SMOX: variants seen among roughly 807,000 people sequenced by gnomAD.
SMOX encodes the protein flavin containing amine oxidase.
A neutral mutation model predicts 51.0 loss-of-function variants in SMOX; 22 were observed. The observed-to-expected ratio is 0.43, with a 90% CI of 0.31 to 0.62. The LOEUF (loss-of-function observed/expected upper bound fraction) is 0.62. Among genes scored for constraint, SMOX ranks in the 20% least tolerant of loss-of-function variants. The probability of loss-of-function intolerance (pLI) is 0.10; values close to 1 mark genes in which losing one functional copy is unlikely to be tolerated. For synonymous variants in SMOX, 282 were observed against 307.8 expected (o/e 0.92, Z 0.88); for missense variants, 566 against 777.7 (o/e 0.73, Z 3.24).
chr20:4,165,868 G>A (rs1233793450), intron 1 of SMOX, among the ~76,000 whole-genome samples: 1 of 152,194 alleles, frequency 6.6e-6, no homozygotes, highest in Non-Finnish European at 1.5e-5. Flanking sequence ...TGCTGAGGGG[G>A]CATGGAGCTT....
intron 1 of SMOX, among the ~76,000 whole-genome samples, chr20:4,157,506 C>T (rs1200806636): frequency 6.6e-6 from 1 of 152,118 alleles, no homozygotes; most frequent in Non-Finnish European, 1.5e-5. Context: ...TGAGAAGTCA[C>T]AGGTTTGAGT....
At chr20:4,158,110 C>T (rs1235702482) in intron 1 of SMOX, among the ~76,000 whole-genome samples, 3 of 150,136 alleles carry the variant, frequency 2.0e-5, no homozygotes, top group Non-Finnish European at 3.0e-5. Flanking sequence ...CCTTGTTAGC[C>T]AGGATGGTCT....
chr20:4,171,160 A>C (rs934856073), intron 1 of SMOX, among the ~76,000 whole-genome samples: 1 of 152,208 alleles, frequency 6.6e-6, no homozygotes, highest in African/African-American at 2.4e-5. Context: ...GTGCATACAG[A>C]TCAAGGAGCG....
intron 1 of SMOX, among the ~76,000 whole-genome samples, chr20:4,163,484 G>A (rs1384732275): frequency 1.3e-5 from 2 of 152,238 alleles, no homozygotes. Flanking sequence ...TCTGGGGAGA[G>A]AGAGATGCTG....
chr20:4,158,086 G>A (rs1337689511), intron 1 of SMOX, among the ~76,000 whole-genome samples: 2 of 148,908 alleles, frequency 1.3e-5, no homozygotes, highest in Non-Finnish European at 3.0e-5. Flanking sequence ...ATTTTTAGTA[G>A]AGATGGTGTT....
chr20:4,180,362 C>A (rs1979230053), intron 3 of SMOX, among the ~76,000 whole-genome samples: 1 of 152,194 alleles, frequency 6.6e-6, no homozygotes, highest in South Asian at 2.1e-4. Context: ...CACCCTGTGG[C>A]CCCAGGGCCT....
At position 4,167,618 on chromosome 20, in the gene SMOX, C is replaced by T. The variant is rs1357451852; in HGVS notation, c.-26-7412C>T. On this transcript the variant is annotated intron_variant, in intron 1 of 6. Coordinates refer to ENST00000305958, the MANE Select transcript of SMOX (RefSeq NM_175839.3). This position sits in a 1 kb window ranked among gnomAD's most constrained non-coding sequence, Gnocchi z 4.8. Reference sequence around the variant, plus strand: ...CAAGTGGGGCCTGGAGAAGGGAAGACACTGGCCCAGGGGTCACCTGGCAAG... The same window carrying T: ...CAAGTGGGGCCTGGAGAAGGGAAGATACTGGCCCAGGGGTCACCTGGCAAG... Among the ~76,000 whole-genome samples, 1 of 152,070 alleles carries T rather than the reference C, an allele frequency of 6.6e-6. No homozygotes were observed. The highest frequency in any genetic ancestry group is 1.5e-5 in the Non-Finnish European group (1 of 68,008).
Position 4,165,049 on chromosome 20 carries a change from GTTT to G in SMOX, c.-26-9960_-26-9958del, listed in dbSNP as rs781522050. Among the ~76,000 whole-genome samples, 4 of 87,330 alleles carry G rather than the reference GTTT, an allele frequency of 4.6e-5. No homozygotes were observed. The Admixed American group carries it at 6.6e-4, about 14-fold the overall frequency. The allele number at this position is 87,330 out of a possible 152,430, so 57.3% of individuals were successfully genotyped here. Reference sequence around the variant, plus strand: ...TGCATCACCATGCCTTAGCTAAGTTGTTTTTTTTTTTTTTTTTTTTTTTGAGAC... The same window carrying G: ...TGCATCACCATGCCTTAGCTAAGTTGTTTTTTTTTTTTTTTTTTTTGAGAC... On this transcript the variant is annotated intron_variant, in intron 1 of 6. Coordinates refer to ENST00000305958, the MANE Select transcript of SMOX (RefSeq NM_175839.3).
Position 4,187,357 on chromosome 20 carries a change from G to C in SMOX, c.1618G>C (p.Ala540Pro). 1 of 1,614,208 alleles carries C rather than the reference G, an allele frequency of 6.2e-7. No homozygotes were observed. Among genetic ancestry groups the C allele is most frequent in the Non-Finnish European group, 8.5e-7 (1 of 1,180,038 alleles). Residue 540 changes from alanine (A) to proline (P), a missense_variant, in exon 7 of 7, where the codon GCT (alanine) becomes CCT (proline). Transcript: ENST00000305958. The surrounding 1 kb of genome is among the most constrained non-coding windows in gnomAD (Gnocchi z 4.8). ...HGALLSGQREAARLIEMYRDL... is the reference protein window; with the variant it reads ...HGALLSGQREPARLIEMYRDL... The stretch of plus-strand genomic sequence containing the variant: ...TGCTCTGCTGTCCGGCCAGCGTGAG[G>C]CTGCCCGCCTCATTGAGATGTACCG...
chr20:4,168,853 G>T (rs1986693074), intron 1 of SMOX, among the ~76,000 whole-genome samples: 1 of 150,894 alleles, frequency 6.6e-6, no homozygotes, highest in African/African-American at 2.4e-5. Context: ...CACCATGCCT[G>T]GCTCTCTCTC....
At position 4,172,218 on chromosome 20, in the gene SMOX, C is replaced by A. The variant is rs1404429595; in HGVS notation, c.-26-2812C>A. On this transcript the variant is annotated intron_variant, in intron 1 of 6. Transcript: ENST00000305958. The surrounding 1 kb of genome is among the most constrained non-coding windows in gnomAD (Gnocchi z 7.7). ...TGTGTGTGGGGTGGCCTGGGGCAGACCCGCCGGGCGGGTTGCGGCGCCACG... is the reference window on the plus strand; with the variant it reads ...TGTGTGTGGGGTGGCCTGGGGCAGAACCGCCGGGCGGGTTGCGGCGCCACG... Among the ~76,000 whole-genome samples, 2 of 152,218 alleles carry A rather than the reference C, an allele frequency of 1.3e-5. No individual in the cohort carries two copies. The highest frequency in any genetic ancestry group is 2.9e-5 in the Non-Finnish European group (2 of 68,022).
In SMOX at chr20:4,156,624, C is replaced by T. The variant is rs1000094963; in HGVS notation, c.-27+7647C>T. On this transcript the variant is annotated intron_variant, in intron 1 of 6. Coordinates refer to ENST00000305958, the MANE Select transcript of SMOX (RefSeq NM_175839.3). ...CCTTTTCTCCCTGGTATTTCTGGGC[C>T]GAGAGCCAGCCCTGGGTTCTTGTGG... Among the ~76,000 whole-genome samples the T allele has an allele frequency of 3.9e-5, 6 of 152,286 alleles. No homozygotes were observed. The East Asian group carries it at 9.6e-4, about 24-fold the overall frequency.
chr20:4,162,037 C>G (rs1986352514), intron 1 of SMOX, among the ~76,000 whole-genome samples: 1 of 152,202 alleles, frequency 6.6e-6, no homozygotes, highest in African/African-American at 2.4e-5. Context: ...TGTGCCTGCC[C>G]CGCCCCCTTC....
rs923845590 is a variant in SMOX, at chr20:4,170,472, C to CT, written c.-26-4548dup. Among the ~76,000 whole-genome samples, 17 of 149,964 alleles carry CT rather than the reference C, an allele frequency of 1.1e-4. No homozygotes were observed. The highest frequency in any genetic ancestry group is 2.0e-4 in the Admixed American group (3 of 15,012). ...ACTTGCTGGAGTGTAAATTTCTTCA[C>CT]TTTTTTTTTTCTGAGACAGGGTCTC... On this transcript the variant is annotated intron_variant, in intron 1 of 6. Transcript: ENST00000305958. The surrounding 1 kb of genome is among the most constrained non-coding windows in gnomAD (Gnocchi z 4.6).
rs750147048 is a variant in SMOX, at chr20:4,181,896, C to T, written c.529C>T (p.Arg177Cys). The T allele has an allele frequency of 3.1e-6, 5 of 1,614,044 alleles. No homozygotes were observed. The highest frequency in any genetic ancestry group is 1.3e-5 in the African/African-American group (1 of 74,922). Reference sequence around the variant, plus strand: ...GGGGGTGTTCACCCGAGAGGAGGTGCGTAACCGCATCAGGAATGACCCTGA... The same window carrying T: ...GGGGGTGTTCACCCGAGAGGAGGTGTGTAACCGCATCAGGAATGACCCTGA... ...SVGVFTREEV[R>C]NRIRNDPDDP... Residue 177 changes from arginine to cysteine, a missense_variant, in exon 4 of 7, where the codon CGT (arginine) becomes TGT (cysteine). Around this residue, in one of 3 missense-constraint regions of SMOX, gnomAD observed 217 missense variants for 278.4 expected, o/e 0.78. Coordinates refer to ENST00000305958, the MANE Select transcript of SMOX (RefSeq NM_175839.3). The surrounding 1 kb of genome is among the most constrained non-coding windows in gnomAD (Gnocchi z 5.6).
Position 4,149,264 on chromosome 20 carries a change from C to T in SMOX, c.-27+287C>T, listed in dbSNP as rs1985602060. ...CGATCCCGGCGCCAGGGCTGCTCGGCCCGGGCCGGGCGCCGGGGGTAGAGG... is the reference window on the plus strand; with the variant it reads ...CGATCCCGGCGCCAGGGCTGCTCGGTCCGGGCCGGGCGCCGGGGGTAGAGG... On this transcript the variant is annotated intron_variant, in intron 1 of 6. Coordinates refer to ENST00000305958, the MANE Select transcript of SMOX (RefSeq NM_175839.3). This position sits in a 1 kb window ranked among gnomAD's most constrained non-coding sequence, Gnocchi z 6.0. Among the ~76,000 whole-genome samples the T allele has an allele frequency of 6.6e-6, 1 of 150,564 alleles. No homozygotes were observed. Among genetic ancestry groups the T allele is most frequent in the Non-Finnish European group, 1.5e-5 (1 of 67,440 alleles).
At chr20:4,175,645 TG>T (rs1430961672) in intron 2 of SMOX, among the ~76,000 whole-genome samples, 2 of 152,180 alleles carry the variant, frequency 1.3e-5, no homozygotes, top group Non-Finnish European at 2.9e-5. Flanking sequence ...ATAACATGAC[TG>T]AGAGCTAGCC....
At position 4,182,343 on chromosome 20, in the gene SMOX, C is replaced by A; in HGVS notation, c.864C>A (p.His288Gln). The A allele has an allele frequency of 6.3e-7, 1 of 1,593,336 alleles. No individual in the cohort carries two copies. Residue 288 changes from histidine to glutamine, a missense_variant, in exon 5 of 7, where the codon CAC becomes CAA. By Grantham distance (24) the His-to-Gln change is conservative. Coordinates refer to ENST00000305958, the MANE Select transcript of SMOX (RefSeq NM_175839.3). The surrounding 1 kb of genome is among the most constrained non-coding windows in gnomAD (Gnocchi z 8.4). Reference sequence around the variant, plus strand: ...CCCGGGGTGAGGGCGACCACAATCACGACACTGGGGAGGGTGGCCAGGGTG... The same window carrying A: ...CCCGGGGTGAGGGCGACCACAATCAAGACACTGGGGAGGGTGGCCAGGGTG... Reference protein sequence around the residue: ...IEPRGEGDHNHDTGEGGQGGE... With the variant: ...IEPRGEGDHNQDTGEGGQGGE...
At chr20:4,162,319 T>C (rs76444585) in intron 1 of SMOX, among the ~76,000 whole-genome samples, 3,067 of 152,220 alleles carry the variant, frequency 0.02, 47 homozygotes, top group Middle Eastern at 0.034. Context: ...GGAGAGTGCA[T>C]AGTGTGGGAC....
Sources: allele counts gnomAD v4.1 joint callset (sites outside exome capture counted in the v4.1 genomes callset), GRCh38; gene constraint gnomAD v4.1.1; regional missense constraint gnomAD v4.1.1; non-coding constraint Gnocchi (gnomAD v3.1); transcripts MANE v1.5; gene names NCBI Gene and HGNC (gene_info 2026-07-23, HGNC 2026-07-21).